Variants in RORA observed in about 807,000 individuals in gnomAD.
RORA encodes the protein nuclear receptor ROR-alpha.
In RORA, 7 loss-of-function variants were observed where a neutral mutation model predicts 69.5. The ratio of observed to expected loss-of-function variants is 0.10; its 90% CI spans 0.06 to 0.19. The LOEUF (loss-of-function observed/expected upper bound fraction) is 0.19, where lower values mean the gene tolerates loss of function less well. Among genes scored for constraint, RORA ranks in the 10% least tolerant of loss-of-function variants. The pLI is 1.00. For missense variants in RORA, 457 were observed against 663.0 expected (o/e 0.69, Z 3.41); for synonymous variants, 261 against 240.8 (o/e 1.08, Z -0.78).
chr15:61,137,940 T>C (rs1596019809), intron 1 of RORA, among the ~76,000 whole-genome samples: 2 of 152,190 alleles, frequency 1.3e-5, no homozygotes, highest in African/African-American at 4.8e-5. Flanking sequence ...TGGAAAGTTA[T>C]TGTCCACCAG....
intron 3 of RORA, among the ~76,000 whole-genome samples, chr15:60,527,661 G>C (rs966555313): frequency 1.3e-5 from 2 of 152,240 alleles, no homozygotes; most frequent in African/African-American, 4.8e-5. Context: ...TATTCAGGCT[G>C]AAGCAGTGCC....
At chr15:61,044,535 A>C (rs899713206) in intron 1 of RORA, among the ~76,000 whole-genome samples, 6 of 152,258 alleles carry the variant, frequency 3.9e-5, no homozygotes, top group African/African-American at 1.4e-4. Context: ...CAATTTTTTT[A>C]CATGAATTAC....
intron 2 of RORA, among the ~76,000 whole-genome samples, chr15:60,540,050 C>G (rs2066810968): frequency 6.6e-6 from 1 of 152,162 alleles, no homozygotes; most frequent in South Asian, 2.1e-4. Context: ...AGTGATTAGA[C>G]TATGCTCAAG....
intron 1 of RORA, among the ~76,000 whole-genome samples, chr15:61,208,771 C>T (rs1476267845): frequency 6.6e-6 from 1 of 152,120 alleles, no homozygotes; most frequent in Non-Finnish European, 1.5e-5. Flanking sequence ...AGAACCGAGG[C>T]CTCCTGGTTA....
At position 60,537,759 on chromosome 15, in the gene RORA, C is replaced by T. The variant is rs1055320448; in HGVS notation, c.197-5908G>A. Among the ~76,000 whole-genome samples the T allele has an allele frequency of 9.9e-5, 15 of 152,180 alleles. No individual in the cohort carries two copies. The highest frequency in any genetic ancestry group is 9.2e-4 in the Admixed American group (14 of 15,282). On this transcript the variant is annotated intron_variant, in intron 2 of 10. Transcript: ENST00000335670. This position sits in a 1 kb window ranked among gnomAD's most constrained non-coding sequence, Gnocchi z 4.9. ...TTTTAAATATAACACTAATATGTTT[C>T]CCTAGTACATTATTTTCTTCTCTTG...
intron 1 of RORA, among the ~76,000 whole-genome samples, chr15:61,110,684 T>G (rs2078998101): frequency 6.6e-6 from 1 of 152,152 alleles, no homozygotes. Flanking sequence ...AGAGTGATAC[T>G]GATGATCCTG....
chr15:60,595,124 C>T (rs1048015145), intron 2 of RORA, among the ~76,000 whole-genome samples: 11 of 152,000 alleles, frequency 7.2e-5, no homozygotes, highest in African/African-American at 2.7e-4. Context: ...GGGAACATCT[C>T]CCATATTGAA....
At chr15:60,837,605 G>A (rs572685027) in intron 1 of RORA, among the ~76,000 whole-genome samples, 128 of 152,204 alleles carry the variant, frequency 8.4e-4, no homozygotes, top group African/African-American at 2.6e-3. Context: ...GTGTAGGGGC[G>A]CACCCACTCT....
At chr15:60,685,186 G>C (rs2070722993) in intron 1 of RORA, among the ~76,000 whole-genome samples, 1 of 152,158 alleles carries the variant, frequency 6.6e-6, no homozygotes, top group Admixed American at 6.5e-5. Context: ...GGCAGCATTG[G>C]AGAGCTAAGG....
intron 1 of RORA, among the ~76,000 whole-genome samples, chr15:61,114,868 G>A (rs918473668): frequency 7.9e-5 from 12 of 152,140 alleles, no homozygotes; most frequent in African/African-American, 1.2e-4. Flanking sequence ...TGGCCCAGAC[G>A]GTATAAGAGT....
intron 1 of RORA, among the ~76,000 whole-genome samples, chr15:61,153,794 G>A (rs1344252311): frequency 6.6e-6 from 1 of 152,116 alleles, no homozygotes; most frequent in Non-Finnish European, 1.5e-5. Context: ...CCCTTCAATT[G>A]CTAAGAACCC....
chr15:60,860,000 C>T (rs1245060617), intron 1 of RORA, among the ~76,000 whole-genome samples: 2 of 152,150 alleles, frequency 1.3e-5, no homozygotes, highest in Non-Finnish European at 1.5e-5. Flanking sequence ...AAAGAAACCA[C>T]AACCTGGACC....
chr15:60,901,910 G>GA (rs1235422097), intron 1 of RORA, among the ~76,000 whole-genome samples: 2 of 152,226 alleles, frequency 1.3e-5, no homozygotes, highest in Non-Finnish European at 2.9e-5. Flanking sequence ...CACGGTGCCT[G>GA]ACAGATGTCA....
intron 1 of RORA, among the ~76,000 whole-genome samples, chr15:61,077,753 T>A (rs76788268): frequency 5.0e-4 from 76 of 152,326 alleles, no homozygotes; most frequent in Admixed American, 9.1e-4. Flanking sequence ...CCATAATTCT[T>A]TATAAGTCTC....
At chr15:60,873,328 C>T (rs973177966) in intron 1 of RORA, among the ~76,000 whole-genome samples, 4 of 151,548 alleles carry the variant, frequency 2.6e-5, no homozygotes, top group African/African-American at 7.3e-5. Context: ...ATCATTTAGC[C>T]AAATATTCAG....
intron 1 of RORA, among the ~76,000 whole-genome samples, chr15:60,932,646 G>T (rs1892408253): frequency 6.6e-6 from 1 of 152,150 alleles, no homozygotes; most frequent in African/African-American, 2.4e-5. Context: ...GGCGGGGTGG[G>T]TAACTGGTTG....
chr15:60,546,336 GA>G (rs1416444713), intron 2 of RORA: 1 of 152,184 alleles, frequency 6.6e-6, no homozygotes, highest in Non-Finnish European at 1.5e-5. Flanking sequence ...TAAACTAAAG[GA>G]AACTGGTCAC....
intron 1 of RORA, among the ~76,000 whole-genome samples, chr15:61,031,414 G>T (rs1305623611): frequency 6.6e-6 from 1 of 152,018 alleles, no homozygotes; most frequent in African/African-American, 2.4e-5. Context: ...TAACACTCTT[G>T]GTCTGGTTTT....
At chr15:60,761,310 T>C (rs1470261366) in intron 1 of RORA, among the ~76,000 whole-genome samples, 1 of 152,038 alleles carries the variant, frequency 6.6e-6, no homozygotes, top group African/African-American at 2.4e-5. Context: ...TTCAAAGGGA[T>C]TCGTATACAA....
Sources: gnomAD v4.1 joint callset for allele counts (sites outside exome capture counted in the v4.1 genomes callset) on GRCh38, gnomAD v4.1.1 for gene constraint, Gnocchi (gnomAD v3.1) non-coding constraint, MANE v1.5 for transcripts, NCBI Gene and HGNC (gene_info 2026-07-23, HGNC 2026-07-21) for gene names.